The following CNTLN variants were observed in gnomAD, a reference collection of about 807,000 sequenced individuals.
The protein encoded by CNTLN is centlein, also known as centlein, centrosomal protein.
In CNTLN, 212 loss-of-function variants were observed where a neutral mutation model predicts 180.0. The observed-to-expected ratio is 1.18, with a 90% CI of 1.05 to 1.32. CNTLN has a LOEUF of 1.32. Ranked by LOEUF, CNTLN falls within the 40% of genes most tolerant of loss-of-function variation. The pLI, the probability that CNTLN is intolerant of heterozygous loss-of-function variation, is 0.00. For missense variants in CNTLN, 2,095 were observed against 1,610.9 expected, an observed-to-expected ratio of 1.30 and a Z score of -5.14; for synonymous variants, 722 against 563.1, an observed-to-expected ratio of 1.28 and a Z score of -3.99.
intron 18 of CNTLN, among the ~76,000 whole-genome samples, chr9:17,430,498 T>A (rs1370685723): frequency 3.3e-5 from 5 of 152,020 alleles, no homozygotes; most frequent in Non-Finnish European, 5.9e-5. Context: ...TTGTATGCAT[T>A]GTGTGGGTAA....
chr9:17,485,372 A>G (rs907428889), intron 24 of CNTLN, among the ~76,000 whole-genome samples: 2 of 152,134 alleles, frequency 1.3e-5, no homozygotes, highest in African/African-American at 4.8e-5. Context: ...AAGAATCCTC[A>G]GATAATAGTT....
intron 13 of CNTLN, among the ~76,000 whole-genome samples, chr9:17,384,290 G>GAAAA (rs34297599): frequency 9.4e-5 from 14 of 148,448 alleles, no homozygotes; most frequent in Non-Finnish European, 7.4e-5. Flanking sequence ...TAAATAAAAT[G>GAAAA]AAAAAAAAAA....
intron 7 of CNTLN, chr9:17,301,176 G>A (rs1818319476): frequency 1.0e-6 from 1 of 985,276 alleles, no homozygotes; most frequent in Non-Finnish European, 1.2e-6. Flanking sequence ...ATGGACTCTA[G>A]TTCAAACCAG....
At chr9:17,505,189 G>C (rs550911800), downstream of CNTLN, among the ~76,000 whole-genome samples, 1 of 151,920 alleles carries the variant, frequency 6.6e-6, no homozygotes, top group East Asian at 1.9e-4. Context: ...AATTTGATAA[G>C]ACCATCTTTT....
intron 23 of CNTLN, among the ~76,000 whole-genome samples, chr9:17,474,317 A>G (rs1249175646): frequency 6.6e-6 from 1 of 152,204 alleles, no homozygotes; most frequent in Non-Finnish European, 1.5e-5. Flanking sequence ...CTATCCCAGA[A>G]CAATATTTTC....
At chr9:17,349,740 G>T (rs1489805965) in intron 12 of CNTLN, among the ~76,000 whole-genome samples, 1 of 151,980 alleles carries the variant, frequency 6.6e-6, no homozygotes, top group Non-Finnish European at 1.5e-5. Flanking sequence ...TAATAAAAAG[G>T]CCAAGAACTT....
intron 12 of CNTLN, among the ~76,000 whole-genome samples, chr9:17,347,150 T>C (rs1648636220): frequency 6.6e-6 from 1 of 152,258 alleles, no homozygotes; most frequent in African/African-American, 2.4e-5. Flanking sequence ...CTGGAGCATT[T>C]TAATCATGGC....
chr9:17,243,077 T>C (rs183567742), intron 5 of CNTLN, among the ~76,000 whole-genome samples: 124 of 152,332 alleles, frequency 8.1e-4, no homozygotes, highest in African/African-American at 2.7e-3. Flanking sequence ...TGTATGTGTC[T>C]ATGAATTTGT....
intron 18 of CNTLN, among the ~76,000 whole-genome samples, chr9:17,449,360 A>G (rs1432167870): frequency 6.6e-6 from 1 of 150,554 alleles, no homozygotes; most frequent in African/African-American, 2.5e-5. Context: ...ATGAGTGAGA[A>G]CATGCGGTGT....
intron 25 of CNTLN, among the ~76,000 whole-genome samples, chr9:17,500,936 A>G (rs1242482861): frequency 6.6e-6 from 1 of 152,212 alleles, no homozygotes; most frequent in Non-Finnish European, 1.5e-5. Context: ...TTTACATCCA[A>G]GAAAAGCAAT....
intron 2 of CNTLN, among the ~76,000 whole-genome samples, chr9:17,160,458 G>GA (rs1227895665): frequency 2.0e-5 from 3 of 152,040 alleles, no homozygotes; most frequent in Non-Finnish European, 4.4e-5. Context: ...TTCACATCTT[G>GA]AGGGTAATCT....
intron 5 of CNTLN, among the ~76,000 whole-genome samples, chr9:17,241,470 G>A (rs7044254): frequency 0.21 from 31,250 of 151,996 alleles, 4,087 homozygotes; most frequent in African/African-American, 0.36. Flanking sequence ...TTTGTAATAT[G>A]ATTTGAAGTC....
intron 18 of CNTLN, among the ~76,000 whole-genome samples, chr9:17,441,457 G>T (rs1830102582): frequency 6.6e-6 from 1 of 152,082 alleles, no homozygotes; most frequent in East Asian, 1.9e-4. Context: ...TTTTGTATGT[G>T]ATTGAAGTTA....
chr9:17,372,026 A>G (rs1296754181), intron 13 of CNTLN, among the ~76,000 whole-genome samples: 1 of 152,126 alleles, frequency 6.6e-6, no homozygotes, highest in Non-Finnish European at 1.5e-5. Context: ...AAAAATTTCA[A>G]ATAACTTAAC....
chr9:17,274,440 G>A lies in CNTLN; in HGVS notation c.983+574G>A, dbSNP rs75081577. ...ATAAATTAAGACAGAACTTTTCCTT[G>A]GTTCATAGATCAATATCTATCTATC... On this transcript the variant is annotated intron_variant, in intron 6 of 25. Coordinates refer to ENST00000380647, the MANE Select transcript of CNTLN (RefSeq NM_017738.4). 1.1e-3 allele frequency among the ~76,000 whole-genome samples: 167 copies of A among 149,266 alleles called. 3 individuals are homozygous for A. In the East Asian group the frequency reaches 0.032, roughly 28 times the overall value.
At chr9:17,505,958 A>G (rs1833926432), downstream of CNTLN, among the ~76,000 whole-genome samples, 1 of 152,022 alleles carries the variant, frequency 6.6e-6, no homozygotes, top group Non-Finnish European at 1.5e-5. Context: ...AGAATAGAGA[A>G]CCAAGAAATA....
chr9:17,289,567 T>G (rs1274383727), intron 6 of CNTLN, among the ~76,000 whole-genome samples: 1 of 135,612 alleles, frequency 7.4e-6, no homozygotes, highest in African/African-American at 3.1e-5. Flanking sequence ...CCTTGCTAGA[T>G]TGGGGAAGTT....
chr9:17,297,925 A>G (rs988499160), intron 6 of CNTLN, among the ~76,000 whole-genome samples: 12 of 152,240 alleles, frequency 7.9e-5, no homozygotes, highest in African/African-American at 2.2e-4. Context: ...TGTACTATGT[A>G]TATCCATGGT....
intron 5 of CNTLN, among the ~76,000 whole-genome samples, chr9:17,255,784 G>T (rs1359317700): frequency 1.3e-5 from 2 of 151,776 alleles, no homozygotes; most frequent in African/African-American, 4.8e-5. Context: ...AAACCATCTA[G>T]ACCCATGCTT....
Sources: gnomAD v4.1 joint callset for allele counts (sites outside exome capture counted in the v4.1 genomes callset) on GRCh38, gnomAD v4.1.1 for gene constraint, MANE v1.5 for transcripts, NCBI Gene and HGNC (gene_info 2026-07-23, HGNC 2026-07-21) for gene names.